The following OSTM1 variants were observed in gnomAD, a reference collection of about 807,000 sequenced individuals.
OSTM1 encodes osteoclastogenesis associated transmembrane protein 1, also known as osteopetrosis-associated transmembrane protein 1.
OSTM1 carries 26 observed loss-of-function variants against 35.4 expected under a neutral mutation model. The ratio of observed to expected loss-of-function variants is 0.73; its 90% confidence interval spans 0.54 to 1.02. OSTM1 has a LOEUF of 1.02. Ranked by LOEUF, OSTM1 falls within the 50% of genes least tolerant of loss-of-function variation. The pLI is 0.00. For missense variants in OSTM1, 366 were observed against 409.6 expected (o/e 0.89, Z 0.92); for synonymous variants, 181 against 165.0 (o/e 1.10, Z -0.75).
intron 3 of OSTM1, among the ~76,000 whole-genome samples, chr6:108,052,447 A>T (rs1402375053): frequency 6.6e-6 from 1 of 151,828 alleles, no homozygotes; most frequent in Non-Finnish European, 1.5e-5. Flanking sequence ...AAAAAAAAAA[A>T]AATTGAGCAC....
At chr6:108,056,628 AC>A (rs1395354299) in intron 2 of OSTM1, among the ~76,000 whole-genome samples, 1 of 152,188 alleles carries the variant, frequency 6.6e-6, no homozygotes, top group Non-Finnish European at 1.5e-5. Context: ...TAGATAAATT[AC>A]AAAAGGTCAT....
intron 2 of OSTM1, among the ~76,000 whole-genome samples, chr6:108,056,802 C>T (rs1035196584): frequency 2.0e-5 from 3 of 152,160 alleles, no homozygotes; most frequent in Non-Finnish European, 4.4e-5. Flanking sequence ...TTCTCTGAAG[C>T]TTTATCTTCT....
At chr6:108,055,998 A>C (rs1478291793) in intron 2 of OSTM1, among the ~76,000 whole-genome samples, 1 of 152,202 alleles carries the variant, frequency 6.6e-6, no homozygotes, top group Non-Finnish European at 1.5e-5. Flanking sequence ...AGCTATTGCA[A>C]TTACCCAGGA....
At chr6:108,069,426 C>T (rs1387627473) in intron 1 of OSTM1, among the ~76,000 whole-genome samples, 1 of 152,144 alleles carries the variant, frequency 6.6e-6, no homozygotes. Flanking sequence ...ATTGAATACT[C>T]ACCAAATACA....
At chr6:108,070,959 T>C (rs1772472890) in intron 1 of OSTM1, among the ~76,000 whole-genome samples, 1 of 148,048 alleles carries the variant, frequency 6.8e-6, no homozygotes, top group Admixed American at 6.8e-5. Context: ...GAGGTCGAGG[T>C]GTGCAGATCA....
In OSTM1 at chr6:108,074,605, G is replaced by A; in HGVS notation, c.47C>T (p.Pro16Leu). The A allele has an allele frequency of 1.3e-6, 2 of 1,565,584 alleles. No individual in the cohort carries two copies. Among genetic ancestry groups the A allele is most frequent in the Middle Eastern group, 1.8e-4 (1 of 5,498 alleles). ...CAGCAGCAGCCCCAGCGGCAGCCAC[G>A]GCGGCAACGAACACCTCCGCTGCGC... Reference protein sequence around the residue: ...TAAQRRCSLPPWLPLGLLLWS... With the variant: ...TAAQRRCSLPLWLPLGLLLWS... The change falls in exon 1 of 6, where the codon CCG becomes CTG. Residue 16 changes from proline to leucine, a missense_variant. Physicochemically the swap from Pro to Leu is moderately conservative, Grantham distance 98. Transcript: ENST00000193322.
chr6:108,055,829 T>C (rs948338152), intron 2 of OSTM1, among the ~76,000 whole-genome samples: 1 of 152,220 alleles, frequency 6.6e-6, no homozygotes, highest in Non-Finnish European at 1.5e-5. Flanking sequence ...CTAATTGCTC[T>C]GCAAGGGATG....
At chr6:108,047,264 G>A (rs1038098778) in intron 5 of OSTM1, among the ~76,000 whole-genome samples, 1 of 152,188 alleles carries the variant, frequency 6.6e-6, no homozygotes, top group Non-Finnish European at 1.5e-5. Flanking sequence ...AGCCAGGTAA[G>A]TAAAGAGGGA....
intron 5 of OSTM1, among the ~76,000 whole-genome samples, chr6:108,046,338 C>CT (rs924718207): frequency 3.8e-5 from 5 of 131,172 alleles, no homozygotes; most frequent in African/African-American, 1.1e-4. Flanking sequence ...TCTCTGGTTT[C>CT]TTTTTTTTCT....
intron 5 of OSTM1, 115 bp from the exon 6 acceptor site, chr6:108,044,955 C>T: frequency 2.0e-6 from 1 of 499,492 alleles, no homozygotes; most frequent in East Asian, 3.5e-5. Context: ...TGAATCCTAA[C>T]AGTTCCAGCC....
rs1771887955 is a variant in OSTM1 at position 108,042,429 on chromosome 6, T to C, written c.*2356A>G. ...TTTCTTTTTTCTTTTTTTTTTTTTT[T>C]TTTTGAGACAAGGTCTGGCTCTGTC... is the stretch of plus-strand genomic sequence containing the variant. On this transcript the variant is annotated 3_prime_UTR_variant, in exon 6 of 6. Coordinates refer to ENST00000193322, the MANE Select transcript of OSTM1 (RefSeq NM_014028.4). The C allele has an allele frequency of 6.7e-6, 1 of 148,394 alleles. No individual in the cohort carries two copies. Among genetic ancestry groups the C allele is most frequent in the Admixed American group, 6.7e-5 (1 of 14,966 alleles). The allele number at this position is 148,394 out of a possible 1,614,324, so 9.2% of individuals were successfully genotyped here.
intron 1 of OSTM1, among the ~76,000 whole-genome samples, chr6:108,068,517 G>T (rs1176014071): frequency 2.0e-5 from 3 of 151,942 alleles, no homozygotes; most frequent in Non-Finnish European, 4.4e-5. Context: ...TAAAACCCTG[G>T]AAATCATCAC....
intron 3 of OSTM1, 129 bp from the exon 4 acceptor site, chr6:108,051,327 G>A (rs1232046402): frequency 3.0e-6 from 2 of 676,930 alleles, no homozygotes; most frequent in Non-Finnish European, 5.0e-6. Context: ...CTGTGATGTT[G>A]AGTAGGTTAC....
At chr6:108,058,560 A>G (rs1772208030) in intron 2 of OSTM1, among the ~76,000 whole-genome samples, 1 of 152,194 alleles carries the variant, frequency 6.6e-6, no homozygotes, top group Non-Finnish European at 1.5e-5. Flanking sequence ...AGGCCGAGGC[A>G]GGTGGATCAC....
intron 1 of OSTM1, among the ~76,000 whole-genome samples, chr6:108,064,628 A>G (rs945629961): frequency 1.3e-5 from 2 of 152,222 alleles, no homozygotes; most frequent in African/African-American, 4.8e-5. Context: ...AAATCATTTG[A>G]TCCTTATCTA....
In OSTM1 at chr6:108,074,558, C is replaced by A; in HGVS notation, c.94G>T (p.Ala32Ser). Residue 32 changes from alanine (A) to serine (S), a missense_variant, in exon 1 of 6, where the codon GCG (alanine) becomes TCG (serine). This residue lies in a region of OSTM1 where 236 missense variants were observed against 239.3 expected (regional missense o/e 0.99). Coordinates refer to ENST00000193322, the MANE Select transcript of OSTM1 (RefSeq NM_014028.4). ...TGCGGACTGCTGCCGAAGGGGAGCG[C>A]GCCCAGGGCCAGCCCCGACCACAGC... ...LLLWSGLALG[A>S]LPFGSSPHRV... The A allele has an allele frequency of 2.6e-6, 4 of 1,557,930 alleles. No homozygotes were observed. The highest frequency in any genetic ancestry group is 3.5e-6 in the Non-Finnish European group (4 of 1,154,036).
intron 5 of OSTM1, among the ~76,000 whole-genome samples, chr6:108,046,856 A>G (rs1356115458): frequency 6.7e-6 from 1 of 148,564 alleles, no homozygotes; most frequent in Admixed American, 6.8e-5. Context: ...ACTAGAAGTG[A>G]TCTAGCTTCT....
intron 2 of OSTM1, among the ~76,000 whole-genome samples, chr6:108,061,145 T>TAA (rs34221709): frequency 1.2e-4 from 18 of 148,518 alleles, no homozygotes; most frequent in African/African-American, 3.9e-4. Flanking sequence ...AAGGATATGC[T>TAA]AAAAAAAAAA....
chr6:108,052,248 C>A (rs957877230), intron 3 of OSTM1, among the ~76,000 whole-genome samples: 11 of 152,084 alleles, frequency 7.2e-5, no homozygotes, highest in Non-Finnish European at 2.9e-5. Flanking sequence ...TCCTGGCTAA[C>A]ACGGTGAAAC....
Sources: allele counts gnomAD v4.1 joint callset (sites outside exome capture counted in the v4.1 genomes callset), GRCh38; gene constraint gnomAD v4.1.1; regional missense constraint gnomAD v4.1.1; transcripts MANE v1.5; gene names NCBI Gene and HGNC (gene_info 2026-07-23, HGNC 2026-07-21).